The following SART3 variants were observed in gnomAD, a reference collection of about 807,000 sequenced individuals.
SART3 encodes HIV-1 Tat-interacting protein of 110kDa.
SART3 carries 44 observed loss-of-function variants against 122.3 expected under a neutral mutation model. The observed-to-expected ratio is 0.36, with a 90% CI of 0.28 to 0.46. The LOEUF is 0.46. SART3 is among the 20% of genes least tolerant of loss of function. The pLI is 1.00. For synonymous variants in SART3, 442 were observed against 454.0 expected, an observed-to-expected ratio of 0.97 and a Z score of 0.34; for missense variants, 1,101 against 1,229.0, an observed-to-expected ratio of 0.90 and a Z score of 1.56.
chr12:108,532,756 CTT>C (rs80035733), intron 12 of SART3: 542 of 178,522 alleles, frequency 3.0e-3, no homozygotes, highest in South Asian at 8.4e-3. Context: ...AGAGTCAGAT[CTT>C]TTTTTTTTTT....
Position 108,545,175 on chromosome 12 carries a change from G to A in SART3, c.693C>T (p.Tyr231=). 1 of 1,614,042 alleles carries A rather than the reference G, an allele frequency of 6.2e-7. No homozygotes were observed. The highest frequency in any genetic ancestry group is 8.5e-7 in the Non-Finnish European group (1 of 1,180,004). ...CCACAATCGCACTTTCAAACTCTCGGTAAGCCTCCCAGAGGGCGAGTCCTT... is the reference window on the plus strand; with the variant it reads ...CCACAATCGCACTTTCAAACTCTCGATAAGCCTCCCAGAGGGCGAGTCCTT... ...MTKGLALWEA[Y]REFESAIVEA... is the part of the protein sequence containing the mutation. Residue 231 remains tyrosine (Y), a synonymous_variant, in exon 4 of 19, where the codon TAC becomes TAT. Transcript: ENST00000546815.
In SART3 at chr12:108,560,928, G is replaced by A. The variant is rs765030552; in HGVS notation, c.227C>T (p.Ala76Val). 13 of 1,613,576 alleles carry A rather than the reference G, an allele frequency of 8.1e-6. No homozygotes were observed. The highest frequency in any genetic ancestry group is 1.6e-4 in the Middle Eastern group (1 of 6,084). ...DGDEYAMASS[A>V]ESSPGEYEWE... is the part of the protein sequence containing the mutation. Reference sequence around the variant, plus strand: ...CTCGTACTCCCCGGGGGAGCTCTCCGCGGAGGAAGCCATGGCGTACTCATC... The same window carrying A: ...CTCGTACTCCCCGGGGGAGCTCTCCACGGAGGAAGCCATGGCGTACTCATC... Residue 76 changes from alanine (A) to valine (V), a missense_variant, in exon 1 of 19, where the codon GCG becomes GTG. Transcript: ENST00000546815.
At chr12:108,537,020 GA>G (rs1294418469) in intron 9 of SART3, 2 of 539,396 alleles carry the variant, frequency 3.7e-6, no homozygotes, top group South Asian at 2.0e-5. Flanking sequence ...CTGTGGGGGG[GA>G]GTCTCCCCCA....
intron 1 of SART3, among the ~76,000 whole-genome samples, chr12:108,555,062 A>C (rs2030160716): frequency 6.6e-6 from 1 of 152,208 alleles, no homozygotes; most frequent in Non-Finnish European, 1.5e-5. Flanking sequence ...GGGATTGGGA[A>C]GGAAGGAGAA....
intron 6 of SART3, among the ~76,000 whole-genome samples, chr12:108,541,001 C>T (rs756415654): frequency 4.6e-5 from 7 of 152,062 alleles, no homozygotes; most frequent in Non-Finnish European, 1.0e-4. Context: ...GAAATTAGAG[C>T]TAAGTAGGGA....
intron 15 of SART3, among the ~76,000 whole-genome samples, chr12:108,527,883 A>G (rs929679300): frequency 1.5e-4 from 23 of 152,152 alleles, no homozygotes; most frequent in African/African-American, 5.1e-4. Flanking sequence ...CTCCTGTCTC[A>G]GCCTCCCGAG....
chr12:108,550,053 A>C (rs2029943198), intron 1 of SART3, among the ~76,000 whole-genome samples: 1 of 151,494 alleles, frequency 6.6e-6, no homozygotes, highest in African/African-American at 2.4e-5. Context: ...AATCCCTATT[A>C]GAGAAACAAG....
chr12:108,524,138 G>A (rs1872257541), intron 18 of SART3, 178 bp downstream of exon 18: 3 of 673,220 alleles, frequency 4.5e-6, no homozygotes, highest in African/African-American at 1.8e-5. Flanking sequence ...GCCTAGGCTT[G>A]CATCCTGCTC....
intron 6 of SART3, among the ~76,000 whole-genome samples, chr12:108,539,807 C>T (rs1357320384): frequency 6.6e-6 from 1 of 152,134 alleles, no homozygotes; most frequent in African/African-American, 2.4e-5. Flanking sequence ...GTTTCAGGGC[C>T]TCCATTTCCA....
intron 12 of SART3, among the ~76,000 whole-genome samples, chr12:108,533,802 G>A (rs1442163476): frequency 6.6e-6 from 1 of 152,166 alleles, no homozygotes; most frequent in African/African-American, 2.4e-5. Flanking sequence ...AAATAATGTC[G>A]TAGAATTGTG....
chr12:108,535,756 G>A (rs1396990824), intron 11 of SART3, among the ~76,000 whole-genome samples: 3 of 146,842 alleles, frequency 2.0e-5, no homozygotes, highest in Admixed American at 1.4e-4. Flanking sequence ...TTTTTATCAA[G>A]CTTAACTACA....
intron 9 of SART3, chr12:108,536,987 G>A: frequency 3.4e-6 from 2 of 592,212 alleles, no homozygotes; most frequent in Non-Finnish European, 6.0e-6. Context: ...GGACAGCGTG[G>A]TGAAAAAGGC....
Position 108,526,548 on chromosome 12 carries a change from G to C in SART3, c.1921C>G (p.Pro641Ala), listed in dbSNP as rs1327563059. The C allele has an allele frequency of 1.5e-5, 25 of 1,613,608 alleles. No individual in the cohort carries two copies. Among genetic ancestry groups the C allele is most frequent in the Non-Finnish European group, 2.0e-5 (24 of 1,180,040 alleles). ...TTCTCGACCCTTCTGCGTTTGGAAG[G>C]CTGCTCTACAGGTTTTCAAAAGAAA... ...KEWGDDEEEQ[P>A]SKRRRVENSI... The change falls in exon 16 of 19, where the codon CCT (proline) becomes GCT (alanine). Residue 641 changes from proline (P) to alanine (A), a missense_variant. Pro to Ala is a conservative substitution (Grantham distance 27). Transcript: ENST00000546815.
chr12:108,523,685 C>A, intron 18 of SART3, 51 bp from the exon 19 acceptor site: 1 of 1,523,942 alleles, frequency 6.6e-7, no homozygotes, highest in Non-Finnish European at 9.1e-7. Flanking sequence ...TTCGTGGCCC[C>A]TCATTTATTT....
At chr12:108,531,527 G>A (rs199981018) in intron 13 of SART3, 15 of 448,150 alleles carry the variant, frequency 3.3e-5, no homozygotes, top group Non-Finnish European at 5.3e-5. Context: ...AAATGGCAAA[G>A]AATATGAAAA....
rs779618466 is a variant in SART3, at chr12:108,549,124, G to A, written c.403C>T (p.Arg135Cys). The A allele has an allele frequency of 2.0e-5, 33 of 1,614,006 alleles. No homozygotes were observed. In the Admixed American group the frequency reaches 2.8e-4, roughly 14 times the overall value. ...EGELTKVRMARQKMSEIFPLT... is the reference protein window; with the variant it reads ...EGELTKVRMACQKMSEIFPLT... Reference sequence around the variant, plus strand: ...GGAAAGATTTCACTCATCTTCTGGCGGGCCATCCTCACCTTGGTAAGCTCC... The same window carrying A: ...GGAAAGATTTCACTCATCTTCTGGCAGGCCATCCTCACCTTGGTAAGCTCC... Residue 135 changes from arginine to cysteine, a missense_variant, in exon 2 of 19, where the codon CGC becomes TGC. Transcript: ENST00000546815.
chr12:108,542,721 TAAA>T, intron 6 of SART3: 1 of 430,490 alleles, frequency 2.3e-6, no homozygotes, highest in Non-Finnish European at 4.4e-6. Flanking sequence ...TGTAAAACTA[TAAA>T]GAAAAGCAAG....
At position 108,547,872 on chromosome 12, in the gene SART3, T is replaced by G; in HGVS notation, c.544+15A>C. On this transcript the variant is annotated intron_variant, in intron 3 of 18. Coordinates refer to ENST00000546815, the MANE Select transcript of SART3 (RefSeq NM_014706.4). ...GACATTGCCAGATATCCAAAAAAAG[T>G]CCACGGGAACTTACAAATGTAATCC... The G allele has an allele frequency of 6.2e-7, 1 of 1,600,424 alleles. No individual in the cohort carries two copies. The highest frequency in any genetic ancestry group is 8.6e-7 in the Non-Finnish European group (1 of 1,168,548).
At position 108,549,137 on chromosome 12, in the gene SART3, C is replaced by T. The variant is rs781040109; in HGVS notation, c.390G>A (p.Lys130=). The T allele has an allele frequency of 6.2e-7, 1 of 1,614,224 alleles. No homozygotes were observed. Among genetic ancestry groups the T allele is most frequent in the South Asian group, 1.1e-5 (1 of 91,086 alleles). The part of the protein sequence containing the change: ...RLLRLEGELT[K]VRMARQKMSE... ...TCATCTTCTGGCGGGCCATCCTCAC[C>T]TTGGTAAGCTCCCCTTCCAGCCTGA... The change falls in exon 2 of 19, where the codon AAG becomes AAA. Residue 130 remains lysine, a synonymous_variant. Coordinates refer to ENST00000546815, the MANE Select transcript of SART3 (RefSeq NM_014706.4).
Sources: allele counts gnomAD v4.1 joint callset (sites outside exome capture counted in the v4.1 genomes callset), GRCh38; gene constraint gnomAD v4.1.1; transcripts MANE v1.5; gene names NCBI Gene and HGNC (gene_info 2026-07-23, HGNC 2026-07-21).